Variants in KIAA1217 observed in about 807,000 individuals in gnomAD.
KIAA1217 encodes sickle tail protein homolog.
KIAA1217 carries 88 observed loss-of-function variants against 163.9 expected under a neutral mutation model. The ratio of observed to expected loss-of-function variants is 0.54; its 90% CI spans 0.45 to 0.64. The LOEUF (loss-of-function observed/expected upper bound fraction) is 0.64, where lower values mean the gene tolerates loss of function less well. Among genes scored for constraint, KIAA1217 ranks in the 30% least tolerant of loss-of-function variants. The pLI is 0.00. For synonymous variants in KIAA1217, 903 were observed against 923.1 expected, an observed-to-expected ratio of 0.98 and a Z score of 0.39; for missense variants, 2,372 against 2,475.0, an observed-to-expected ratio of 0.96 and a Z score of 0.88.
rs193268875 is a variant in KIAA1217 at position 24,171,986 on chromosome 10, A to G, written c.-170-47640A>G. On this transcript the variant is annotated intron_variant, in intron 2 of 18. Coordinates refer to the KIAA1217 transcript ENST00000376462. ...AACATCCTCTGAGGTTGGGGCTATT[A>G]TTATCCCCATTTAAACAGAGAAGAA... Among the ~76,000 whole-genome samples the G allele has an allele frequency of 1.6e-3, 246 of 152,286 alleles. 1 individual carries two copies. The highest frequency in any genetic ancestry group is 3.1e-3 in the Non-Finnish European group (214 of 68,016).
At chr10:24,370,110 A>G (rs1354638177) in intron 2 of KIAA1217, among the ~76,000 whole-genome samples, 1 of 152,024 alleles carries the variant, frequency 6.6e-6, no homozygotes, top group Non-Finnish European at 1.5e-5. Context: ...CTACAAATAT[A>G]AAAACTTAGC....
intron 2 of KIAA1217, among the ~76,000 whole-genome samples, chr10:24,075,612 T>C (rs1249517583): frequency 6.6e-6 from 1 of 151,410 alleles, no homozygotes; most frequent in African/African-American, 2.4e-5. Flanking sequence ...TTATCTTTTT[T>C]TTTTTTTTTG....
Position 23,896,675 on chromosome 10 carries a change from G to A in KIAA1217, c.-320-110550G>A, listed in dbSNP as rs116075077. ...GTTATTTTGAAGGAGGCATCCTAAAGGTTGGGTTAATCTCTTAAGAAGTCT... is the reference window on the plus strand; with the variant it reads ...GTTATTTTGAAGGAGGCATCCTAAAAGTTGGGTTAATCTCTTAAGAAGTCT... On this transcript the variant is annotated intron_variant, in intron 1 of 18. Coordinates refer to the KIAA1217 transcript ENST00000376462. Among the ~76,000 whole-genome samples the A allele has an allele frequency of 8.2e-3, 1,245 of 152,162 alleles. 21 individuals carry two copies. Among genetic ancestry groups the A allele is most frequent in the African/African-American group, 0.029 (1,195 of 41,540 alleles).
At chr10:24,122,547 C>T (rs1172015423) in intron 2 of KIAA1217, among the ~76,000 whole-genome samples, 2 of 152,070 alleles carry the variant, frequency 1.3e-5, no homozygotes, top group Non-Finnish European at 2.9e-5. Context: ...AAGATGGTAT[C>T]CAATGAGACA....
At chr10:24,245,183 G>A (rs541624437) in intron 2 of KIAA1217, among the ~76,000 whole-genome samples, 15 of 152,224 alleles carry the variant, frequency 9.9e-5, no homozygotes, top group Admixed American at 1.3e-4. Context: ...CTTTCACTCC[G>A]TTTCACTTGC....
chr10:24,212,015 C>T (rs1409534673), intron 1 of KIAA1217, among the ~76,000 whole-genome samples: 1 of 149,968 alleles, frequency 6.7e-6, no homozygotes, highest in African/African-American at 2.5e-5. Context: ...TGCACTCTAG[C>T]CTGGGTAACA....
At chr10:24,117,928 A>G (rs987855975) in intron 2 of KIAA1217, among the ~76,000 whole-genome samples, 8 of 152,132 alleles carry the variant, frequency 5.3e-5, no homozygotes, top group African/African-American at 2.4e-5. Context: ...CACTCACAAA[A>G]TGCATGGAAC....
chr10:24,370,476 C>T (rs1319687087), intron 2 of KIAA1217, among the ~76,000 whole-genome samples: 1 of 152,072 alleles, frequency 6.6e-6, no homozygotes, highest in Non-Finnish European at 1.5e-5. Flanking sequence ...AAATCATATT[C>T]TTTGTTTCAA....
At chr10:24,342,597 C>T (rs910603418) in intron 2 of KIAA1217, among the ~76,000 whole-genome samples, 1 of 151,874 alleles carries the variant, frequency 6.6e-6, no homozygotes, top group Non-Finnish European at 1.5e-5. Context: ...GTCGCTTCTC[C>T]ACTTAGTGAT....
chr10:24,002,000 A>G (rs1846763787), intron 1 of KIAA1217, among the ~76,000 whole-genome samples: 1 of 152,202 alleles, frequency 6.6e-6, no homozygotes, highest in East Asian at 1.9e-4. Flanking sequence ...AGCAACTGCC[A>G]GTAGTTCAGC....
Position 24,113,146 on chromosome 10 carries a change from A to G in KIAA1217, c.-171+105772A>G, listed in dbSNP as rs1306597331. 2.6e-5 allele frequency among the ~76,000 whole-genome samples: 4 copies of G among 152,070 alleles called. No homozygotes were observed. The East Asian group carries it at 7.7e-4, about 29-fold the overall frequency. ...CAACGTGTTACAGTAGCCAGGGATAACCCCTAGACCCGGACATACAGCTTG... is the reference window on the plus strand; with the variant it reads ...CAACGTGTTACAGTAGCCAGGGATAGCCCCTAGACCCGGACATACAGCTTG... On this transcript the variant is annotated intron_variant, in intron 2 of 18. Transcript: ENST00000376462.
At chr10:24,367,099 T>C in intron 2 of KIAA1217, 1 of 974,850 alleles carries the variant, frequency 1.0e-6, no homozygotes, top group Non-Finnish European at 1.2e-6. Flanking sequence ...ATTTTTTTCT[T>C]GTTTTCTCCT....
At position 24,495,155 on chromosome 10, in the gene KIAA1217, T is replaced by G; in HGVS notation, c.1793T>G (p.Met598Arg). The change falls in exon 8 of 21, where the codon ATG becomes AGG. Residue 598 changes from methionine (M) to arginine (R), a missense_variant. By Grantham distance (91) the Met-to-Arg change is moderately conservative (BLOSUM62 -1). Around this residue, in one of 3 missense-constraint regions of KIAA1217, gnomAD observed 1,431 missense variants for 1,470.3 expected, o/e 0.97. Transcript: ENST00000376454. Reference sequence around the variant, plus strand: ...CTTTTTCTTTTATTCAGCGAGAAAATGATGAAAACCACAGCCAACAGGAAC... The same window carrying G: ...CTTTTTCTTTTATTCAGCGAGAAAAGGATGAAAACCACAGCCAACAGGAAC... ...SYSKDASSEK[M>R]MKTTANRNHT... 3 of 1,610,080 alleles carry G rather than the reference T, an allele frequency of 1.9e-6. No homozygotes were observed. In the South Asian group the frequency reaches 3.3e-5, roughly 18 times the overall value.
chr10:24,021,876 C>T (rs781286023), intron 2 of KIAA1217, among the ~76,000 whole-genome samples: 4 of 33,210 alleles, frequency 1.2e-4, no homozygotes, highest in Middle Eastern at 0.018. Context: ...AACATCTGGA[C>T]ATCAATATAC....
chr10:24,201,243 C>G (rs2067241226), intron 2 of KIAA1217, among the ~76,000 whole-genome samples: 1 of 152,158 alleles, frequency 6.6e-6, no homozygotes, highest in Non-Finnish European at 1.5e-5. Context: ...TGTGCTCCAG[C>G]TTGGGTGACA....
At chr10:23,880,231 A>C (rs1406857424) in intron 1 of KIAA1217, among the ~76,000 whole-genome samples, 1 of 151,954 alleles carries the variant, frequency 6.6e-6, no homozygotes, top group Non-Finnish European at 1.5e-5. Flanking sequence ...GATAAAGAAA[A>C]TGTGGTATGT....
chr10:23,749,509 G>A (rs1425274477), intron 1 of KIAA1217, among the ~76,000 whole-genome samples: 1 of 152,114 alleles, frequency 6.6e-6, no homozygotes, highest in African/African-American at 2.4e-5. Flanking sequence ...CTAGGTTCAA[G>A]TGATTCTCCT....
intron 1 of KIAA1217, among the ~76,000 whole-genome samples, chr10:23,997,246 AT>A (rs1462561766): frequency 6.6e-6 from 1 of 152,194 alleles, no homozygotes; most frequent in African/African-American, 2.4e-5. Flanking sequence ...GAAGGGTTAC[AT>A]TTTCCCACAT....
intron 2 of KIAA1217, among the ~76,000 whole-genome samples, chr10:24,282,215 T>TC (rs74841632): frequency 6.6e-6 from 1 of 151,314 alleles, no homozygotes; most frequent in Non-Finnish European, 1.5e-5. Flanking sequence ...AATTTTTTTT[T>TC]CAAAAAAGAA....
Sources: gnomAD v4.1 joint callset for allele counts (sites outside exome capture counted in the v4.1 genomes callset) on GRCh38, gnomAD v4.1.1 for gene constraint, gnomAD v4.1.1 regional missense constraint, MANE v1.5 for transcripts, NCBI Gene and HGNC (gene_info 2026-07-23, HGNC 2026-07-21) for gene names.